NPAS3: variants seen among roughly 807,000 people sequenced by gnomAD.
NPAS3 encodes neuronal PAS domain-containing protein 3.
In NPAS3, 14 loss-of-function variants were observed where a neutral mutation model predicts 73.1. The observed-to-expected ratio is 0.19, with a 90% CI of 0.13 to 0.30. The LOEUF (loss-of-function observed/expected upper bound fraction) is 0.30, where lower values mean the gene tolerates loss of function less well. Ranked by LOEUF, NPAS3 falls within the 10% of genes least tolerant of loss-of-function variation. The pLI is 1.00. For missense variants in NPAS3, 1,096 were observed against 1,250.0 expected (o/e 0.88, Z 1.86); for synonymous variants, 620 against 541.5 (o/e 1.14, Z -2.01).
intron 4 of NPAS3, among the ~76,000 whole-genome samples, chr14:33,376,085 A>G (rs897402283): frequency 6.6e-6 from 1 of 152,200 alleles, no homozygotes; most frequent in African/African-American, 2.4e-5. Flanking sequence ...TGCATGTTTT[A>G]CCAAAATCTC....
intron 1 of NPAS3, among the ~76,000 whole-genome samples, chr14:32,968,342 T>C (rs1225467628): frequency 2.0e-5 from 3 of 152,138 alleles, no homozygotes; most frequent in African/African-American, 7.2e-5. Flanking sequence ...CACTATACCT[T>C]ATAAATATCT....
At chr14:33,720,504 G>C (rs1215346188) in intron 6 of NPAS3, among the ~76,000 whole-genome samples, 1 of 152,198 alleles carries the variant, frequency 6.6e-6, no homozygotes, top group Non-Finnish European at 1.5e-5. Flanking sequence ...ACATTAGTGT[G>C]TTAGTGAACA....
chr14:33,019,816 G>T lies in NPAS3; in HGVS notation c.51-36089G>T, dbSNP rs574132615. Among the ~76,000 whole-genome samples, 72 of 152,286 alleles carry T rather than the reference G, an allele frequency of 4.7e-4. 1 individual carries two copies. Among genetic ancestry groups the T allele is most frequent in the Non-Finnish European group, 1.5e-4 (10 of 68,024 alleles). On this transcript the variant is annotated intron_variant, in intron 1 of 11. Transcript: ENST00000356141. ...TTAGAAGGGACAGATTAACATTTTGGTCGGGCCGGGATCTATTTGAATAGA... is the reference window on the plus strand; with the variant it reads ...TTAGAAGGGACAGATTAACATTTTGTTCGGGCCGGGATCTATTTGAATAGA...
Position 33,762,035 on chromosome 14 carries a change from C to T in NPAS3, c.853-12302C>T, listed in dbSNP as rs185712471. ...CTCTTCTTTTCTAAATAGATCCCAA[C>T]CTGATCTCATTTAATGCATTGATGT... is the stretch of plus-strand genomic sequence containing the variant. On this transcript the variant is annotated intron_variant, in intron 7 of 11. Coordinates refer to ENST00000356141, the Ensembl canonical transcript of NPAS3. 6.7e-4 allele frequency among the ~76,000 whole-genome samples: 102 copies of T among 152,322 alleles called. 1 individual carries two copies. The highest frequency in any genetic ancestry group is 2.8e-4 in the Non-Finnish European group (19 of 68,026).
intron 6 of NPAS3, among the ~76,000 whole-genome samples, chr14:33,707,255 T>C (rs748073560): frequency 6.6e-6 from 1 of 152,178 alleles, no homozygotes; most frequent in African/African-American, 2.4e-5. Flanking sequence ...CATAATTAAG[T>C]TGGACACTGG....
chr14:33,705,050 C>G (rs2060620234), intron 6 of NPAS3, among the ~76,000 whole-genome samples: 1 of 152,156 alleles, frequency 6.6e-6, no homozygotes, highest in South Asian at 2.1e-4. Context: ...ATCTCTTCCA[C>G]TTTTTTAAAG....
At chr14:33,186,600 G>C (rs191887561) in intron 2 of NPAS3, among the ~76,000 whole-genome samples, 1 of 152,256 alleles carries the variant, frequency 6.6e-6, no homozygotes, top group Non-Finnish European at 1.5e-5. Flanking sequence ...CCTCGAGTCT[G>C]ATCTACCTCC....
intron 3 of NPAS3, among the ~76,000 whole-genome samples, chr14:33,272,840 A>G (rs746525000): frequency 6.6e-6 from 1 of 152,164 alleles, no homozygotes; most frequent in Non-Finnish European, 1.5e-5. Flanking sequence ...AACTCTACCA[A>G]AGGGTAGTGA....
chr14:33,102,255 A>G lies in NPAS3; in HGVS notation c.140+46261A>G, dbSNP rs539478494. Among the ~76,000 whole-genome samples, 8 of 152,310 alleles carry G rather than the reference A, an allele frequency of 5.3e-5. No individual in the cohort carries two copies. The East Asian group carries it at 1.5e-3, about 29-fold the overall frequency. On this transcript the variant is annotated intron_variant, in intron 2 of 11. Coordinates refer to ENST00000356141, the Ensembl canonical transcript of NPAS3. ...ATTAGCTAGGGATAGAACAGAGTAC[A>G]CAAGTAAGGATTGATTTTGAATAGA... is the stretch of plus-strand genomic sequence containing the variant.
At chr14:33,467,679 C>T (rs1359448500) in intron 4 of NPAS3, among the ~76,000 whole-genome samples, 14 of 152,170 alleles carry the variant, frequency 9.2e-5, no homozygotes, top group Non-Finnish European at 1.5e-5. Flanking sequence ...AGCGGCAGTG[C>T]CCTTTGTATG....
At chr14:33,513,605 GTAAAGCCAGGATT>G (rs1288215431) in intron 4 of NPAS3, among the ~76,000 whole-genome samples, 3 of 152,038 alleles carry the variant, frequency 2.0e-5, no homozygotes, top group African/African-American at 7.2e-5. Flanking sequence ...CTACGAAGTG[GTAAAGCCAGGATT>G]TAAAGCCAGG....
chr14:33,126,039 G>C (rs913512389), intron 2 of NPAS3, among the ~76,000 whole-genome samples: 16 of 152,196 alleles, frequency 1.1e-4, no homozygotes, highest in African/African-American at 3.6e-4. Context: ...GCCTTCAGCT[G>C]TGTGAATGGG....
intron 4 of NPAS3, among the ~76,000 whole-genome samples, chr14:33,411,189 C>T (rs1292123930): frequency 1.4e-4 from 21 of 151,936 alleles, no homozygotes; most frequent in African/African-American, 4.3e-4. Flanking sequence ...TTTGTTTTTT[C>T]GTTGTTTTGT....
chr14:33,447,252 A>G (rs1473325274), intron 4 of NPAS3, among the ~76,000 whole-genome samples: 1 of 152,230 alleles, frequency 6.6e-6, no homozygotes, highest in African/African-American at 2.4e-5. Flanking sequence ...AAGATGTCAC[A>G]TGAATGAGAG....
intron 5 of NPAS3, among the ~76,000 whole-genome samples, chr14:33,613,873 G>A (rs538415043): frequency 3.9e-5 from 6 of 151,936 alleles, no homozygotes; most frequent in African/African-American, 1.2e-4. Context: ...TTTCATGTTG[G>A]CATTTTCCTT....
At chr14:33,699,769 G>A (rs894989577) in intron 6 of NPAS3, among the ~76,000 whole-genome samples, 1 of 152,068 alleles carries the variant, frequency 6.6e-6, no homozygotes, top group African/African-American at 2.4e-5. Flanking sequence ...TAGAAGACAG[G>A]GAAAATGCAA....
intron 2 of NPAS3, among the ~76,000 whole-genome samples, chr14:33,142,532 A>AT (rs1482129523): frequency 2.6e-4 from 40 of 152,020 alleles, no homozygotes; most frequent in African/African-American, 9.6e-4. Context: ...TAATTGCCAT[A>AT]TTTTTATAAT....
chr14:33,024,450 G>A (rs767824086), intron 1 of NPAS3, among the ~76,000 whole-genome samples: 3 of 152,010 alleles, frequency 2.0e-5, no homozygotes, highest in African/African-American at 4.8e-5. Flanking sequence ...GATTACAGGC[G>A]TGAGCCACCG....
intron 4 of NPAS3, among the ~76,000 whole-genome samples, chr14:33,367,763 A>G (rs988077701): frequency 2.0e-5 from 3 of 151,976 alleles, no homozygotes; most frequent in African/African-American, 7.3e-5. Flanking sequence ...TTCTCACGGG[A>G]AAATATAGTA....
Sources: gnomAD v4.1 joint callset for allele counts (sites outside exome capture counted in the v4.1 genomes callset) on GRCh38, gnomAD v4.1.1 for gene constraint, MANE v1.5 for transcripts, NCBI Gene and HGNC (gene_info 2026-07-23, HGNC 2026-07-21) for gene names.